CAMSAP3: variants seen among roughly 807,000 people sequenced by gnomAD.
The protein encoded by CAMSAP3 is calmodulin regulated spectrin associated protein family member 3.
CAMSAP3 carries 34 observed loss-of-function variants against 112.5 expected under a neutral mutation model. The ratio of observed to expected loss-of-function variants is 0.30; its 90% confidence interval spans 0.23 to 0.40. CAMSAP3 has a LOEUF of 0.40. Among genes scored for constraint, CAMSAP3 ranks in the 10% least tolerant of loss-of-function variants. The pLI is 1.00. For missense variants in CAMSAP3, 1,602 were observed against 1,770.3 expected (o/e 0.90, Z 1.71); for synonymous variants, 868 against 799.8 (o/e 1.09, Z -1.44).
chr19:7,606,943 C>A, intron 4 of CAMSAP3: 1 of 951,134 alleles, frequency 1.1e-6, no homozygotes. Flanking sequence ...GGTTGGACCC[C>A]AGTCCTGGGA....
chr19:7,606,262 C>T lies in CAMSAP3; in HGVS notation c.403-9C>T. ...CTCAGGTCTCACCCTCTAGCGCTTG[C>T]CCCCACAGGGAGCCCACCTAGCTGT... is the stretch of plus-strand genomic sequence containing the variant. On this transcript the variant is annotated splice_polypyrimidine_tract_variant and intron_variant, in intron 2 of 16. Transcript: ENST00000160298. 1 of 1,609,452 alleles carries T rather than the reference C, an allele frequency of 6.2e-7. No homozygotes were observed. Among genetic ancestry groups the T allele is most frequent in the Non-Finnish European group, 8.5e-7 (1 of 1,178,336 alleles).
Position 7,615,389 on chromosome 19 carries a change from T to C in CAMSAP3, c.2811-29T>C. ...CTGCCACCGCGGACCCCGTGAGCGGTTCTGATGCCGATTCCCTGTGATCTG... is the reference window on the plus strand; with the variant it reads ...CTGCCACCGCGGACCCCGTGAGCGGCTCTGATGCCGATTCCCTGTGATCTG... On this transcript the variant is annotated intron_variant, in intron 12 of 16. Coordinates refer to ENST00000160298, the MANE Select transcript of CAMSAP3 (RefSeq NM_020902.2). This position sits in a 1 kb window ranked among gnomAD's most constrained non-coding sequence, Gnocchi z 6.5. The C allele has an allele frequency of 6.5e-7, 1 of 1,538,416 alleles. No homozygotes were observed. Among genetic ancestry groups the C allele is most frequent in the Non-Finnish European group, 8.8e-7 (1 of 1,142,744 alleles).
intron 1 of CAMSAP3, among the ~76,000 whole-genome samples, chr19:7,602,011 C>A (rs1795581403): frequency 6.6e-6 from 1 of 151,938 alleles, no homozygotes; most frequent in African/African-American, 2.4e-5. Flanking sequence ...TCGCAGTGAG[C>A]CGAGATGGCA....
In CAMSAP3 at chr19:7,617,848, G is replaced by T; in HGVS notation, c.3541G>T (p.Glu1181Ter). ...CTACACGCTGTCGGGGGAGACAGAGGAGCTGTCGCGGCTGGCAGGGTATGG... is the reference window on the plus strand; with the variant it reads ...CTACACGCTGTCGGGGGAGACAGAGTAGCTGTCGCGGCTGGCAGGGTATGG... ...ALYTLSGETE[E>*]LSRLAGYGPR... Residue 1181 changes from glutamate (E) to a stop codon, truncating the protein, a stop_gained, in exon 17 of 17, where the codon GAG becomes TAG. Transcript: ENST00000160298. LOFTEE classifies it high-confidence loss of function. This position sits in a 1 kb window ranked among gnomAD's most constrained non-coding sequence, Gnocchi z 7.5. The T allele has an allele frequency of 6.2e-7, 1 of 1,613,926 alleles. No individual in the cohort carries two copies. Among genetic ancestry groups the T allele is most frequent in the Non-Finnish European group, 8.5e-7 (1 of 1,180,030 alleles).
At chr19:7,606,662 AG>A in intron 4 of CAMSAP3, 91 bp downstream of exon 4, 3 of 1,544,612 alleles carry the variant, frequency 1.9e-6, no homozygotes, top group Non-Finnish European at 8.8e-7. Flanking sequence ...TGAAGTGGGG[AG>A]GGGGCTAGAG....
chr19:7,611,478 C>G lies in CAMSAP3; in HGVS notation c.1124-39C>G. The G allele has an allele frequency of 6.4e-7, 1 of 1,556,638 alleles. No individual in the cohort carries two copies. Among genetic ancestry groups the G allele is most frequent in the South Asian group, 1.2e-5 (1 of 82,882 alleles). ...ATGCTGGCTGACCCCACTCAGGGTT[C>G]CCAGGGTCCCCATAGTGACCACTCA... On this transcript the variant is annotated intron_variant, in intron 9 of 16. Transcript: ENST00000160298. The surrounding 1 kb of genome is among the most constrained non-coding windows in gnomAD (Gnocchi z 6.9).
chr19:7,595,918 C>G lies in CAMSAP3; in HGVS notation c.-85C>G, dbSNP rs954645705. On this transcript the variant is annotated 5_prime_UTR_variant, in exon 1 of 17. Coordinates refer to ENST00000160298, the MANE Select transcript of CAMSAP3 (RefSeq NM_020902.2). ...GCGGCGGCAGCGGCGGTAGCAGCAG[C>G]GGGCCCGGCTGGGGCGCGAGCGCGG... 2 of 638,810 alleles carry G rather than the reference C, an allele frequency of 3.1e-6. No homozygotes were observed. The highest frequency in any genetic ancestry group is 3.9e-6 in the Non-Finnish European group (2 of 515,462). The allele number at this position is 638,810 out of a possible 1,614,324, so 39.6% of individuals were successfully genotyped here.
chr19:7,611,984 C>A lies in CAMSAP3; in HGVS notation c.1491C>A (p.Ala497=). 1 of 1,612,328 alleles carries A rather than the reference C, an allele frequency of 6.2e-7. No homozygotes were observed. Among genetic ancestry groups the A allele is most frequent in the Non-Finnish European group, 8.5e-7 (1 of 1,179,800 alleles). ...AGGGGCCCTCCAAGCCATCCCTGGC[C>A]TCCCCCTACCTGCCCGAGGGGACCT... The part of the protein sequence containing the change: ...SPEGPSKPSL[A]SPYLPEGTSK... The change falls in exon 11 of 17, where the codon GCC becomes GCA. Residue 497 remains alanine, a synonymous_variant. Transcript: ENST00000160298. This position sits in a 1 kb window ranked among gnomAD's most constrained non-coding sequence, Gnocchi z 6.9.
chr19:7,610,370 G>T lies in CAMSAP3; in HGVS notation c.761-106G>T. ...TCGAAGGGCACCTGGCAGAAGCTGGGCTCATAGGAGGTCTTCCGTGTGTGG... is the reference window on the plus strand; with the variant it reads ...TCGAAGGGCACCTGGCAGAAGCTGGTCTCATAGGAGGTCTTCCGTGTGTGG... On this transcript the variant is annotated intron_variant, in intron 5 of 16. Transcript: ENST00000160298. The surrounding 1 kb of genome is among the most constrained non-coding windows in gnomAD (Gnocchi z 4.9). 1.0e-6 allele frequency: 1 copy of T among 999,050 alleles called. No individual in the cohort carries two copies. 61.9% of individuals were successfully genotyped at this position (999,050 alleles called of 1,614,324 possible). A position where few individuals can be genotyped will look rare whatever the true frequency, so the allele number is the denominator to read the frequency against.
At chr19:7,613,228 G>GGGGGC in intron 11 of CAMSAP3, 65 bp downstream of exon 11, 2 of 276,190 alleles carry the variant, frequency 7.2e-6, no homozygotes, top group Non-Finnish European at 1.3e-5. Flanking sequence ...GGGGCGGGGG[G>GGGGGC]AGGTGGACAA....
Position 7,606,527 on chromosome 19 carries a change from T to C in CAMSAP3, c.577T>C (p.Ser193Pro), listed in dbSNP as rs756793798. 1 of 1,558,164 alleles carries C rather than the reference T, an allele frequency of 6.4e-7. No homozygotes were observed. The highest frequency in any genetic ancestry group is 1.2e-5 in the South Asian group (1 of 86,654). The change falls in exon 4 of 17, where the codon TCT becomes CCT. Residue 193 changes from serine to proline, a missense_variant. Transcript: ENST00000160298. Reference sequence around the variant, plus strand: ...CGAGCAGGAAGCGGCCCAGCGAGCCTCTCCAGCAGCCCCTGCAGACGGGGC... The same window carrying C: ...CGAGCAGGAAGCGGCCCAGCGAGCCCCTCCAGCAGCCCCTGCAGACGGGGC... ...KTEQEAAQRA[S>P]PAAPADGAAP...
At chr19:7,606,632 C>CAGG in intron 4 of CAMSAP3, 61 bp downstream of exon 4, 1 of 1,521,072 alleles carries the variant, frequency 6.6e-7, no homozygotes, top group Non-Finnish European at 8.9e-7. Context: ...GAGGGCAGGG[C>CAGG]TGTGCTTCCT....
At position 7,610,317 on chromosome 19, in the gene CAMSAP3, CAA is replaced by C. The variant is rs749017357; in HGVS notation, c.761-144_761-143del. ...TGGGTGACAGAGCGAGACTCCATCT[CAA>C]AAAAAAAAAAAAAAGAATTCACCTC... On this transcript the variant is annotated intron_variant, in intron 5 of 16. Transcript: ENST00000160298. The surrounding 1 kb of genome is among the most constrained non-coding windows in gnomAD (Gnocchi z 4.9). 3.1e-4 allele frequency among the ~76,000 whole-genome samples: 35 copies of C among 111,660 alleles called. No homozygotes were observed. Among genetic ancestry groups the C allele is most frequent in the Admixed American group, 5.4e-4 (6 of 11,098 alleles). The allele number at this position is 111,660 out of a possible 152,430, so 73.3% of individuals were successfully genotyped here.
At chr19:7,616,354 G>A (rs2030788190) in intron 13 of CAMSAP3, 169 bp from the exon 14 acceptor site, 1 of 582,276 alleles carries the variant, frequency 1.7e-6, no homozygotes, top group Admixed American at 2.9e-5. Flanking sequence ...TTGCCTGCTG[G>A]GCAAAGCATC....
At position 7,618,070 on chromosome 19, in the gene CAMSAP3, G is replaced by A. The variant is rs557954881; in HGVS notation, c.*13G>A. 2.2e-5 allele frequency: 36 copies of A among 1,606,110 alleles called. No individual in the cohort carries two copies. In the African/African-American group the frequency reaches 2.5e-4, roughly 11 times the overall value. The stretch of plus-strand genomic sequence containing the variant: ...CACCCCCAAATAGCCCCACCCGGGC[G>A]GTCCACGGGCCGGGCCCTGTGTGCT... On this transcript the variant is annotated 3_prime_UTR_variant, in exon 17 of 17. Coordinates refer to ENST00000160298, the MANE Select transcript of CAMSAP3 (RefSeq NM_020902.2).
chr19:7,611,826 AC>A lies in CAMSAP3; in HGVS notation c.1338del (p.Thr447ProfsTer116). On this transcript the variant is annotated frameshift_variant, in exon 11 of 17. Coordinates refer to ENST00000160298, the MANE Select transcript of CAMSAP3 (RefSeq NM_020902.2). LOFTEE classifies it high-confidence loss of function. This position sits in a 1 kb window ranked among gnomAD's most constrained non-coding sequence, Gnocchi z 6.9. ...CCCCCCGCGTCCCGCGCCGGCCAGG[AC>A]CCCCACCCAGCCACCCCCGGAGCCT... is the stretch of plus-strand genomic sequence containing the variant. ...LGPPRPAPAR[T>X]PTQPPPEPGD... The A allele has an allele frequency of 6.3e-7, 1 of 1,585,248 alleles. No individual in the cohort carries two copies. Among genetic ancestry groups the A allele is most frequent in the Non-Finnish European group, 8.6e-7 (1 of 1,166,220 alleles).
chr19:7,605,144 T>TGGG (rs1371239447), intron 1 of CAMSAP3, 82 bp from the exon 2 acceptor site: 65 of 437,390 alleles, frequency 1.5e-4, no homozygotes, highest in Admixed American at 9.6e-4. Context: ...ATCCGGGCCA[T>TGGG]GTGGTGTGTG....
At position 7,615,725 on chromosome 19, in the gene CAMSAP3, G is replaced by C; in HGVS notation, c.3112+6G>C. ...CCCAGCCCGCGGCCTGCTGGGTGAG[G>C]ACCCTTGGGGGACGGGGCCTGCCCA... On this transcript the variant is annotated splice_donor_region_variant and intron_variant, in intron 13 of 16. Transcript: ENST00000160298. This position sits in a 1 kb window ranked among gnomAD's most constrained non-coding sequence, Gnocchi z 6.5. 7.2e-7 allele frequency: 1 copy of C among 1,394,486 alleles called. No homozygotes were observed. Among genetic ancestry groups the C allele is most frequent in the Non-Finnish European group, 9.3e-7 (1 of 1,080,774 alleles). The allele number at this position is 1,394,486 out of a possible 1,614,324, so 86.4% of individuals were successfully genotyped here.
At chr19:7,606,803 G>A (rs200593712) in intron 4 of CAMSAP3, 12 of 1,613,812 alleles carry the variant, frequency 7.4e-6, no homozygotes, top group Non-Finnish European at 1.0e-5. Context: ...ACTGGAAGCT[G>A]GTTCCTGTAA....
Sources: gnomAD v4.1 joint callset for allele counts (sites outside exome capture counted in the v4.1 genomes callset) on GRCh38, gnomAD v4.1.1 for gene constraint, Gnocchi (gnomAD v3.1) non-coding constraint, MANE v1.5 for transcripts, NCBI Gene and HGNC (gene_info 2026-07-23, HGNC 2026-07-21) for gene names.